The following ARHGEF9 variants were observed in gnomAD, a reference collection of about 807,000 sequenced individuals.
ARHGEF9 encodes the protein rho guanine nucleotide exchange factor 9.
In ARHGEF9, 2 loss-of-function variants were observed where a neutral mutation model predicts 41.3. The ratio of observed to expected loss-of-function variants is 0.05; its 90% CI spans 0.02 to 0.15. ARHGEF9 has a LOEUF of 0.15. Ranked by LOEUF, ARHGEF9 falls within the 10% of genes least tolerant of loss-of-function variation. The pLI is 1.00. For synonymous variants in ARHGEF9, 160 were observed against 154.4 expected (o/e 1.04, Z -0.27); for missense variants, 225 against 424.7 (o/e 0.53, Z 4.13).
chrX:63,644,755 T>A (rs2047886217), intron 8 of ARHGEF9, among the ~76,000 whole-genome samples: 1 of 100,748 alleles, frequency 9.9e-6, no homozygotes, highest in African/African-American at 4.5e-5. Context: ...CTTCTATTAT[T>A]ATTATTATTT....
At chrX:63,714,123 C>T (rs1252734492) in intron 2 of ARHGEF9, among the ~76,000 whole-genome samples, 5 of 111,713 alleles carry the variant, frequency 4.5e-5, no homozygotes, top group Non-Finnish European at 7.5e-5. Context: ...ACCGACCCAC[C>T]GAGTTTCACT....
intron 4 of ARHGEF9, among the ~76,000 whole-genome samples, chrX:63,684,202 G>C (rs782132541): frequency 3.6e-5 from 4 of 110,031 alleles, no homozygotes; most frequent in East Asian, 2.8e-4. Flanking sequence ...ATTAAGAAAT[G>C]AGCAAAGAAT....
In ARHGEF9 at chrX:63,749,835, T is replaced by C. The variant is rs144686513; in HGVS notation, c.31-25124A>G. On this transcript the variant is annotated intron_variant, in intron 1 of 9. Coordinates refer to ENST00000671741, the MANE Select transcript of ARHGEF9 (RefSeq NM_001353921.2). ...CCCCTCTATGTTCTTCCCCTTCTAG[T>C]TTTTCCTCTTTGTACTTTCGTGCTA... Among the ~76,000 whole-genome samples the C allele has an allele frequency of 1.0e-2, 1,117 of 112,229 alleles. 9 individuals carry two copies. Among genetic ancestry groups the C allele is most frequent in the African/African-American group, 0.034 (1,051 of 30,863 alleles).
intron 1 of ARHGEF9, among the ~76,000 whole-genome samples, chrX:63,779,722 T>C (rs782471594): frequency 1.1e-3 from 122 of 111,917 alleles, no homozygotes; most frequent in African/African-American, 3.6e-3. Context: ...TTTTTACTAT[T>C]AGCAACATCT....
intron 1 of ARHGEF9, among the ~76,000 whole-genome samples, chrX:63,773,610 G>A (rs1387975274): frequency 8.9e-6 from 1 of 112,167 alleles, no homozygotes; most frequent in Non-Finnish European, 1.9e-5. Flanking sequence ...CAACTTGACT[G>A]AGCCACAGGG....
At chrX:63,768,247 C>G (rs781869136) in intron 1 of ARHGEF9, among the ~76,000 whole-genome samples, 81 of 111,905 alleles carry the variant, frequency 7.2e-4, no homozygotes, top group African/African-American at 2.6e-3. Context: ...TTTTCCATTC[C>G]TGAGTTACTT....
In ARHGEF9 at chrX:63,697,107, A is replaced by G. The variant is rs1556388908; in HGVS notation, c.582+18T>C. ...CTAACACCTCTCAAAACCCTCCCCA[A>G]ATGGATAAGATACTTACGTGCTCTA... On this transcript the variant is annotated intron_variant, in intron 4 of 9. Transcript: ENST00000671741. The G allele has an allele frequency of 2.5e-6, 3 of 1,203,034 alleles. No homozygotes were observed. Among genetic ancestry groups the G allele is most frequent in the Middle Eastern group, 2.4e-4 (1 of 4,246 alleles).
At chrX:63,678,124 A>G (rs1178664926) in intron 5 of ARHGEF9, among the ~76,000 whole-genome samples, 2 of 111,692 alleles carry the variant, frequency 1.8e-5, no homozygotes, top group East Asian at 2.8e-4. Flanking sequence ...TAACCCAAAT[A>G]TAGTGGCAAA....
chrX:63,769,853 T>C (rs1556453678), intron 1 of ARHGEF9, among the ~76,000 whole-genome samples: 5 of 112,351 alleles, frequency 4.5e-5, no homozygotes, highest in Non-Finnish European at 9.4e-5. Context: ...TGTATAAAAA[T>C]GCCTGGATGC....
rs1174297411 is a variant in ARHGEF9 at position 63,754,188 on chromosome X, C to T, written c.31-29477G>A. The T allele has an allele frequency of 6.9e-6, 6 of 875,701 alleles. No homozygotes were observed. In the East Asian group the frequency reaches 1.6e-4, roughly 23 times the overall value. 72.2% of individuals were successfully genotyped at this position (875,701 alleles called of 1,213,427 possible). A position where few individuals can be genotyped will look rare whatever the true frequency, so the allele number is the denominator to read the frequency against. ...GATTAAAAATGCACACACGCATGCA[C>T]ACTTAAATAGAAAGCATTTCTTCAT... On this transcript the variant is annotated intron_variant, in intron 1 of 9. Coordinates refer to ENST00000671741, the MANE Select transcript of ARHGEF9 (RefSeq NM_001353921.2).
At chrX:63,745,882 T>C (rs1251616027) in intron 1 of ARHGEF9, among the ~76,000 whole-genome samples, 2 of 112,054 alleles carry the variant, frequency 1.8e-5, no homozygotes, top group East Asian at 2.8e-4. Context: ...CGCAAGATGG[T>C]TCCCTGGAAC....
chrX:63,783,879 G>A (rs1192924439), intron 1 of ARHGEF9, among the ~76,000 whole-genome samples: 1 of 111,527 alleles, frequency 9.0e-6, no homozygotes, highest in Non-Finnish European at 1.9e-5. Context: ...GAAGTAGGGA[G>A]GTCTGGGAAG....
chrX:63,683,131 G>A (rs2147360800), intron 4 of ARHGEF9, among the ~76,000 whole-genome samples: 1 of 110,174 alleles, frequency 9.1e-6, no homozygotes, highest in South Asian at 3.9e-4. Context: ...GTTAGAAAAA[G>A]TGAATTCAGT....
intron 7 of ARHGEF9, among the ~76,000 whole-genome samples, chrX:63,660,311 T>C (rs2049138158): frequency 9.0e-6 from 1 of 111,301 alleles, no homozygotes; most frequent in South Asian, 3.8e-4. Flanking sequence ...AAATACCGCA[T>C]GTTCTCGCTT....
intron 4 of ARHGEF9, among the ~76,000 whole-genome samples, chrX:63,682,095 C>T (rs1347037425): frequency 9.3e-6 from 1 of 107,862 alleles, no homozygotes; most frequent in African/African-American, 3.4e-5. Context: ...CTACCAAATA[C>T]CCAGATAAGA....
chrX:63,693,083 G>T (rs2051464434), intron 4 of ARHGEF9, among the ~76,000 whole-genome samples: 1 of 111,588 alleles, frequency 9.0e-6, no homozygotes, highest in African/African-American at 3.3e-5. Flanking sequence ...GAAGGATGAA[G>T]AGAGGTTGTT....
At chrX:63,681,375 A>T (rs1556369213) in intron 4 of ARHGEF9, among the ~76,000 whole-genome samples, 1 of 112,453 alleles carries the variant, frequency 8.9e-6, no homozygotes, top group African/African-American at 3.2e-5. Context: ...TAGCAAATTT[A>T]AGAAGATCAA....
intron 4 of ARHGEF9, among the ~76,000 whole-genome samples, chrX:63,696,675 G>A (rs2051771125): frequency 9.0e-6 from 1 of 111,496 alleles, no homozygotes; most frequent in African/African-American, 3.3e-5. Flanking sequence ...AAAATACTGA[G>A]TCTCATGGAA....
rs1556347409 is a variant in ARHGEF9, at chrX:63,665,976, A to G, written c.987T>C (p.Thr329=). The change falls in exon 7 of 10, where the codon ACT becomes ACC. Residue 329 remains threonine (T), a synonymous_variant. Transcript: ENST00000671741. ...ILDRSSELIY[T]GEMAWIYQPY... is the part of the protein sequence containing the mutation. ...GCTGGTAGATCCAGGCCATCTCCCC[A>G]GTGTAGATCAGCTCCGAGCTCCTGT... is the stretch of plus-strand genomic sequence containing the variant. 1 of 1,209,866 alleles carries G rather than the reference A, an allele frequency of 8.3e-7. No individual in the cohort carries two copies. Among genetic ancestry groups the G allele is most frequent in the East Asian group, 3.0e-5 (1 of 33,788 alleles).
Sources: gnomAD v4.1 joint callset for allele counts (sites outside exome capture counted in the v4.1 genomes callset) on GRCh38, gnomAD v4.1.1 for gene constraint, MANE v1.5 for transcripts, NCBI Gene and HGNC (gene_info 2026-07-23, HGNC 2026-07-21) for gene names.